The following DPP10 variants were observed in gnomAD, a reference collection of about 807,000 sequenced individuals.
DPP10 encodes dipeptidyl peptidase like 10, also known as inactive dipeptidyl peptidase 10.
A neutral mutation model predicts 120.9 loss-of-function variants in DPP10; 33 were observed. The observed-to-expected ratio is 0.27, with a 90% CI of 0.21 to 0.37. DPP10 has a LOEUF of 0.37. DPP10 is among the 10% of genes least tolerant of loss of function. The pLI is 1.00. For missense variants in DPP10, 816 were observed against 942.8 expected (o/e 0.87, Z 1.76); for synonymous variants, 337 against 326.1 (o/e 1.03, Z -0.36).
chr2:115,766,500 G>A (rs4555351), intron 12 of DPP10, among the ~76,000 whole-genome samples: 64,747 of 150,554 alleles, frequency 0.43, 16,666 homozygotes, highest in East Asian at 0.66. Context: ...TAAGAGTAAT[G>A]GTAAAAACCA....
intron 1 of DPP10, among the ~76,000 whole-genome samples, chr2:114,947,134 T>C (rs1199081958): frequency 1.6e-5 from 1 of 63,608 alleles, no homozygotes; most frequent in East Asian, 3.5e-4. Context: ...TCAAGTGAAT[T>C]TTTTTTTTAG....
intron 24 of DPP10, among the ~76,000 whole-genome samples, chr2:115,838,417 T>C (rs1307732170): frequency 6.6e-6 from 1 of 152,196 alleles, no homozygotes; most frequent in Non-Finnish European, 1.5e-5. Context: ...ATTACTTTCA[T>C]TTAACAGATT....
intron 1 of DPP10, among the ~76,000 whole-genome samples, chr2:115,000,860 G>C (rs1164481198): frequency 6.6e-6 from 1 of 152,006 alleles, no homozygotes; most frequent in East Asian, 1.9e-4. Context: ...CTTAGTTCAG[G>C]CTTATTAGTA....
At chr2:115,815,536 C>A in intron 20 of DPP10, 139 bp from the exon 21 acceptor site, 2 of 689,848 alleles carry the variant, frequency 2.9e-6, no homozygotes, top group South Asian at 2.8e-5. Flanking sequence ...GTATATGACC[C>A]TAATACATGA....
intron 5 of DPP10, among the ~76,000 whole-genome samples, chr2:115,618,760 C>A (rs1320467874): frequency 6.6e-6 from 1 of 152,120 alleles, no homozygotes. Context: ...GTAAGCATTA[C>A]TCCATGGAGT....
chr2:115,263,499 A>G (rs1190887472), intron 1 of DPP10, among the ~76,000 whole-genome samples: 1 of 152,238 alleles, frequency 6.6e-6, no homozygotes, highest in Admixed American at 6.5e-5. Context: ...GCTTAAGGCT[A>G]TCCTTGCCTT....
chr2:115,426,986 C>T (rs1436620491), intron 3 of DPP10, among the ~76,000 whole-genome samples: 1 of 152,184 alleles, frequency 6.6e-6, no homozygotes, highest in African/African-American at 2.4e-5. Flanking sequence ...ATTCCCATTC[C>T]CAAATGGAGA....
chr2:114,882,829 A>C (rs1369699527), intron 1 of DPP10, among the ~76,000 whole-genome samples: 1 of 152,200 alleles, frequency 6.6e-6, no homozygotes, highest in Non-Finnish European at 1.5e-5. Flanking sequence ...AATATGAATG[A>C]AATAAAATGC....
intron 1 of DPP10, among the ~76,000 whole-genome samples, chr2:114,866,263 TAAGAA>T (rs755394510): frequency 6.6e-5 from 10 of 151,882 alleles, no homozygotes; most frequent in South Asian, 4.1e-4. Context: ...TGGTAGCTAA[TAAGAA>T]AAGAAAAGAA....
chr2:114,912,401 GAAT>G (rs1259962720), intron 1 of DPP10, among the ~76,000 whole-genome samples: 2 of 152,158 alleles, frequency 1.3e-5, no homozygotes, highest in Admixed American at 6.5e-5. Context: ...AGTTTGCTAT[GAAT>G]AATAACTAAC....
At chr2:115,667,409 A>C (rs1380361920) in intron 5 of DPP10, among the ~76,000 whole-genome samples, 1 of 152,026 alleles carries the variant, frequency 6.6e-6, no homozygotes, top group Non-Finnish European at 1.5e-5. Context: ...TTTTCATACA[A>C]TCTTTTCCAG....
chr2:114,545,475 T>C (rs1001464349), intron 1 of DPP10, among the ~76,000 whole-genome samples: 3 of 152,168 alleles, frequency 2.0e-5, no homozygotes, highest in Non-Finnish European at 4.4e-5. Flanking sequence ...AGGGACACTG[T>C]TGAGGAGAAA....
intron 3 of DPP10, among the ~76,000 whole-genome samples, chr2:115,484,401 A>G (rs2075641018): frequency 6.6e-6 from 1 of 152,068 alleles, no homozygotes; most frequent in Non-Finnish European, 1.5e-5. Context: ...TTAACAACCA[A>G]CACATAATCA....
At chr2:115,191,726 A>AG (rs2054898341) in intron 1 of DPP10, among the ~76,000 whole-genome samples, 1 of 152,092 alleles carries the variant, frequency 6.6e-6, no homozygotes, top group Non-Finnish European at 1.5e-5. Flanking sequence ...TAGGAGCACT[A>AG]GGTAAGATCC....
chr2:115,395,372 T>C (rs183080805), intron 3 of DPP10, among the ~76,000 whole-genome samples: 53 of 152,310 alleles, frequency 3.5e-4, no homozygotes, highest in Non-Finnish European at 2.2e-4. Context: ...CTTTAAAGAT[T>C]CTGTCTCCAA....
intron 5 of DPP10, among the ~76,000 whole-genome samples, chr2:115,591,502 G>C (rs949376480): frequency 5.3e-5 from 8 of 152,018 alleles, no homozygotes; most frequent in South Asian, 2.1e-4. Flanking sequence ...CTGTTCTGTT[G>C]CATTGGTCTA....
At chr2:115,820,880 G>A (rs1173020901) in intron 21 of DPP10, among the ~76,000 whole-genome samples, 2 of 150,760 alleles carry the variant, frequency 1.3e-5, no homozygotes, top group Non-Finnish European at 2.9e-5. Flanking sequence ...TGGGCATGTG[G>A]GCTGCTTCCA....
At chr2:114,871,450 C>A (rs1451645319) in intron 1 of DPP10, among the ~76,000 whole-genome samples, 1 of 152,016 alleles carries the variant, frequency 6.6e-6, no homozygotes, top group African/African-American at 2.4e-5. Flanking sequence ...AAGTAATTTG[C>A]CGTTACAAAA....
At chr2:114,454,603 T>C (rs1678463636) in intron 1 of DPP10, among the ~76,000 whole-genome samples, 1 of 152,186 alleles carries the variant, frequency 6.6e-6, no homozygotes. Context: ...TTTCCTGTTT[T>C]CTCTCATGAG....
Sources: gnomAD v4.1 joint callset for allele counts (sites outside exome capture counted in the v4.1 genomes callset) on GRCh38, gnomAD v4.1.1 for gene constraint, MANE v1.5 for transcripts, NCBI Gene and HGNC (gene_info 2026-07-23, HGNC 2026-07-21) for gene names.